The following UBE2H variants were observed in gnomAD, a reference collection of about 807,000 sequenced individuals.
UBE2H encodes the protein ubiquitin conjugating enzyme E2 H, also known as ubiquitin-conjugating enzyme E2 H.
A neutral mutation model predicts 29.0 loss-of-function variants in UBE2H; 3 were observed. The observed-to-expected ratio is 0.10, with a 90% CI of 0.05 to 0.27. UBE2H has a LOEUF of 0.27. UBE2H is among the 10% of genes least tolerant of loss of function. The pLI is 1.00. For synonymous variants in UBE2H, 69 were observed against 82.9 expected (o/e 0.83, Z 0.91); for missense variants, 68 against 228.2 (o/e 0.30, Z 4.52).
At chr7:129,946,858 T>C (rs1227956918) in intron 1 of UBE2H, among the ~76,000 whole-genome samples, 2 of 152,226 alleles carry the variant, frequency 1.3e-5, no homozygotes, top group Non-Finnish European at 2.9e-5. Context: ...ACAGGTACAC[T>C]CTGTAGGTCT....
intron 1 of UBE2H, among the ~76,000 whole-genome samples, chr7:129,932,990 C>CTGT (rs1336041322): frequency 2.6e-5 from 4 of 152,122 alleles, no homozygotes; most frequent in African/African-American, 9.7e-5. Flanking sequence ...GAGTAAAATT[C>CTGT]TGTTCCTCTT....
At chr7:129,883,573 G>A (rs956281690) in intron 1 of UBE2H, among the ~76,000 whole-genome samples, 3 of 152,246 alleles carry the variant, frequency 2.0e-5, no homozygotes, top group Non-Finnish European at 4.4e-5. Flanking sequence ...TGGGCACAGT[G>A]GCTCACGCCT....
At chr7:129,923,856 C>A (rs1480481631) in intron 1 of UBE2H, among the ~76,000 whole-genome samples, 1 of 152,108 alleles carries the variant, frequency 6.6e-6, no homozygotes, top group Non-Finnish European at 1.5e-5. Context: ...ATCAAGTGAA[C>A]AAATAGATAC....
At chr7:129,864,551 T>G (rs1054181739) in intron 3 of UBE2H, among the ~76,000 whole-genome samples, 1 of 67,386 alleles carries the variant, frequency 1.5e-5, no homozygotes, top group Admixed American at 2.3e-4. Context: ...CTTTTTCTTT[T>G]CTTTCTTTTT....
At chr7:129,942,031 G>A (rs368058637) in intron 1 of UBE2H, among the ~76,000 whole-genome samples, 149 of 151,814 alleles carry the variant, frequency 9.8e-4, no homozygotes, top group Non-Finnish European at 1.5e-3. Flanking sequence ...CCAACATGGC[G>A]CAACCCTGTT....
intron 3 of UBE2H, among the ~76,000 whole-genome samples, chr7:129,876,487 A>C (rs1027863022): frequency 3.9e-5 from 6 of 152,230 alleles, no homozygotes; most frequent in African/African-American, 1.2e-4. Flanking sequence ...TCTCTGGAAA[A>C]TTATGCAAAT....
intron 1 of UBE2H, among the ~76,000 whole-genome samples, chr7:129,938,114 G>A (rs1318650732): frequency 6.6e-6 from 1 of 151,880 alleles, no homozygotes. Flanking sequence ...AATATAATTT[G>A]TAATAAAAAT....
At chr7:129,843,874 A>G (rs1461428392) in intron 5 of UBE2H, among the ~76,000 whole-genome samples, 1 of 152,206 alleles carries the variant, frequency 6.6e-6, no homozygotes, top group Non-Finnish European at 1.5e-5. Context: ...GAAAACCTTT[A>G]AAAACAAAGC....
chr7:129,863,832 G>T (rs1477151462), intron 3 of UBE2H, among the ~76,000 whole-genome samples: 3 of 95,938 alleles, frequency 3.1e-5, no homozygotes, highest in Admixed American at 1.1e-4. Context: ...TTGAGATAAG[G>T]TCACTTCGTC....
Position 129,855,612 on chromosome 7 carries a change from ACGTGTG to A in UBE2H, c.298+1893_298+1898del, listed in dbSNP as rs141481700. Among the ~76,000 whole-genome samples, 1,220 of 152,298 alleles carry A rather than the reference ACGTGTG, an allele frequency of 8.0e-3. 25 individuals are homozygous for A. Among genetic ancestry groups the A allele is most frequent in the African/African-American group, 0.027 (1,141 of 41,562 alleles). Reference sequence around the variant, plus strand: ...TTGTGCACCAGGCACTGTTACAGTCACGTGTGCGTGTGCGTGTGTATAGAGAGAGAG... The same window carrying A: ...TTGTGCACCAGGCACTGTTACAGTCACGTGTGCGTGTGTATAGAGAGAGAG... On this transcript the variant is annotated intron_variant, in intron 5 of 6. Coordinates refer to ENST00000355621, the MANE Select transcript of UBE2H (RefSeq NM_003344.4).
chr7:129,843,377 C>A (rs1327634354), intron 5 of UBE2H, among the ~76,000 whole-genome samples: 1 of 152,116 alleles, frequency 6.6e-6, no homozygotes, highest in Non-Finnish European at 1.5e-5. Context: ...CTTCCATGGT[C>A]TGCATATACA....
chr7:129,952,273 G>C (rs891603544), intron 1 of UBE2H, among the ~76,000 whole-genome samples: 6 of 152,176 alleles, frequency 3.9e-5, no homozygotes, highest in African/African-American at 4.8e-5. Flanking sequence ...TGGGGATACA[G>C]GAAGAGCGAG....
intron 1 of UBE2H, chr7:129,949,101 C>T (rs368511510): frequency 2.2e-6 from 1 of 449,618 alleles, no homozygotes; most frequent in African/African-American, 2.0e-5. Context: ...CAGCAGGGGC[C>T]ACTGGTTCAC....
intron 1 of UBE2H, among the ~76,000 whole-genome samples, chr7:129,945,996 T>C (rs1323965070): frequency 6.6e-6 from 1 of 151,896 alleles, no homozygotes; most frequent in Non-Finnish European, 1.5e-5. Flanking sequence ...TCTGCCCACC[T>C]CAGCCTCCCA....
chr7:129,848,998 C>T (rs1563021301), intron 5 of UBE2H, among the ~76,000 whole-genome samples: 2 of 152,044 alleles, frequency 1.3e-5, no homozygotes, highest in Non-Finnish European at 2.9e-5. Flanking sequence ...CCAGCTCCTA[C>T]AAAGCAGCAA....
At chr7:129,920,681 AG>A (rs1246416728) in intron 1 of UBE2H, among the ~76,000 whole-genome samples, 4 of 152,104 alleles carry the variant, frequency 2.6e-5, no homozygotes, top group Non-Finnish European at 5.9e-5. Context: ...AGGAGGCTTT[AG>A]TGTAACTTCA....
intron 5 of UBE2H, among the ~76,000 whole-genome samples, chr7:129,854,239 TTCAGA>T (rs747241449): frequency 1.3e-5 from 2 of 152,080 alleles, no homozygotes; most frequent in South Asian, 2.1e-4. Flanking sequence ...AGATCTCAAG[TTCAGA>T]TAAGTCTGAA....
chr7:129,935,215 G>T (rs1201421254), intron 1 of UBE2H, among the ~76,000 whole-genome samples: 2 of 151,588 alleles, frequency 1.3e-5, no homozygotes, highest in African/African-American at 4.8e-5. Context: ...ACGAGGTCAG[G>T]AGTTCAAGAC....
intron 1 of UBE2H, among the ~76,000 whole-genome samples, chr7:129,916,244 G>A (rs1807041351): frequency 6.6e-6 from 1 of 152,044 alleles, no homozygotes; most frequent in Admixed American, 6.6e-5. Context: ...CCATTAAACA[G>A]ATCCGATTCA....
Sources: gnomAD v4.1 joint callset for allele counts (sites outside exome capture counted in the v4.1 genomes callset) on GRCh38, gnomAD v4.1.1 for gene constraint, MANE v1.5 for transcripts, NCBI Gene and HGNC (gene_info 2026-07-23, HGNC 2026-07-21) for gene names.